CCDC124: variants seen among roughly 807,000 people sequenced by gnomAD.
CCDC124 encodes the protein coiled-coil domain containing 124.
Under a neutral mutation model 19.8 loss-of-function variants are expected in CCDC124, and 9 were observed. That is an observed-to-expected ratio of 0.45 (90% CI 0.27 to 0.79). The LOEUF is 0.79. Ranked by LOEUF, CCDC124 falls within the 30% of genes least tolerant of loss-of-function variation. The pLI is 0.14. For synonymous variants in CCDC124, 126 were observed against 131.3 expected, an observed-to-expected ratio of 0.96 and a Z score of 0.27; for missense variants, 285 against 319.0, an observed-to-expected ratio of 0.89 and a Z score of 0.81.
In CCDC124 at chr19:17,943,421, T is replaced by C. The variant is rs772981762; in HGVS notation, c.464+46T>C. On this transcript the variant is annotated intron_variant, in intron 4 of 4. Coordinates refer to ENST00000445755, the MANE Select transcript of CCDC124 (RefSeq NM_001136203.2). Reference sequence around the variant, plus strand: ...GCTTTCCCAGGGGTGGAGCTGGTCATCGGGGGCGGGGCTACCTGGGGGCGG... The same window carrying C: ...GCTTTCCCAGGGGTGGAGCTGGTCACCGGGGGCGGGGCTACCTGGGGGCGG... 1.4e-4 allele frequency: 131 copies of C among 925,778 alleles called. No individual in the cohort carries two copies. The East Asian group carries it at 4.6e-3, about 32-fold the overall frequency. 57.3% of individuals were successfully genotyped at this position (925,778 alleles called of 1,614,324 possible).
Position 17,939,264 on chromosome 19 carries a change from G to A in CCDC124, c.159+2685G>A, listed in dbSNP as rs374890452. Among the ~76,000 whole-genome samples the A allele has an allele frequency of 2.4e-4, 37 of 152,118 alleles. No individual in the cohort carries two copies. In the East Asian group the frequency reaches 5.1e-3, roughly 21 times the overall value. ...AAAAAAATTAGCTGGGCGTGGTGGC[G>A]CGCACCTGTAGTCCCAGCAACTCAG... On this transcript the variant is annotated intron_variant, in intron 2 of 4. Coordinates refer to ENST00000445755, the MANE Select transcript of CCDC124 (RefSeq NM_001136203.2).
At position 17,936,576 on chromosome 19, in the gene CCDC124, C is replaced by CTCCG. The variant is rs745945279; in HGVS notation, c.156_157insTCCG (p.Lys53SerfsTer16). 1.2e-6 allele frequency: 2 copies of CTCCG among 1,612,278 alleles called. No individual in the cohort carries two copies. Among genetic ancestry groups the CTCCG allele is most frequent in the Admixed American group, 3.4e-5 (2 of 59,696 alleles). ...AACACGTCATGAGGAAGGAGCAGCG[C>CTCCG]AAGGTGCGTGCACTCCGAGTCCCCG... is the stretch of plus-strand genomic sequence containing the variant. On this transcript the variant is annotated frameshift_variant, in exon 2 of 5. Transcript: ENST00000445755. LOFTEE classifies it high-confidence loss of function.
rs548056297 is a variant in CCDC124 at position 17,942,495 on chromosome 19, C to T, written c.160-161C>T. Among the ~76,000 whole-genome samples, 1 of 152,180 alleles carries T rather than the reference C, an allele frequency of 6.6e-6. No homozygotes were observed. The highest frequency in any genetic ancestry group is 2.4e-5 in the African/African-American group (1 of 41,438). On this transcript the variant is annotated intron_variant, in intron 2 of 4. Transcript: ENST00000445755. This position sits in a 1 kb window ranked among gnomAD's most constrained non-coding sequence, Gnocchi z 4.2. Reference sequence around the variant, plus strand: ...GTTCCCCTGTTGGCCTCACATCCCCCGCCCAGGGCAGCACCGGGACCTATC... The same window carrying T: ...GTTCCCCTGTTGGCCTCACATCCCCTGCCCAGGGCAGCACCGGGACCTATC...
chr19:17,938,725 G>C (rs901822396), intron 2 of CCDC124, among the ~76,000 whole-genome samples: 1 of 152,096 alleles, frequency 6.6e-6, no homozygotes, highest in African/African-American at 2.4e-5. Context: ...CCAAGTAGCT[G>C]GGACTATAGG....
chr19:17,936,428 A>C lies in CCDC124; in HGVS notation c.8A>C (p.Lys3Thr). ...CCCGCAGCCTGCTGAGGGATGCCCAAGAAGTTCCAGGGTGAGAACACCAAG... is the reference window on the plus strand; with the variant it reads ...CCCGCAGCCTGCTGAGGGATGCCCACGAAGTTCCAGGGTGAGAACACCAAG... Reference protein sequence around the residue: MPKKFQGENTKSA... With the variant: MPTKFQGENTKSA... Residue 3 changes from lysine to threonine, a missense_variant, in exon 2 of 5, where the codon AAG (lysine) becomes ACG (threonine). By Grantham distance (78) the Lys-to-Thr change is moderately conservative. Transcript: ENST00000445755. 1 of 1,611,692 alleles carries C rather than the reference A, an allele frequency of 6.2e-7. No homozygotes were observed. Among genetic ancestry groups the C allele is most frequent in the Non-Finnish European group, 8.5e-7 (1 of 1,178,420 alleles).
At position 17,934,906 on chromosome 19, in the gene CCDC124, TTGTTTCC is replaced by T. The variant is rs869054599; in HGVS notation, c.-11-1502_-11-1496del. Among the ~76,000 whole-genome samples, 442 of 147,366 alleles carry T rather than the reference TTGTTTCC, an allele frequency of 3.0e-3. 2 individuals carry two copies. The highest frequency in any genetic ancestry group is 9.2e-3 in the East Asian group (47 of 5,088). On this transcript the variant is annotated intron_variant, in intron 1 of 4. Transcript: ENST00000445755. ...ATGTATGTATTGGTGCCTTGTTTCC[TTGTTTCC>T]TTTTTTTTTTTTTCTTTTAAGAGAC...
At chr19:17,935,951 C>T (rs2031052125) in intron 1 of CCDC124, among the ~76,000 whole-genome samples, 1 of 152,140 alleles carries the variant, frequency 6.6e-6, no homozygotes, top group African/African-American at 2.4e-5. Context: ...GTCGCCCAGG[C>T]TGGAGTGCAG....
At chr19:17,934,323 T>C (rs1599959599) in intron 1 of CCDC124, among the ~76,000 whole-genome samples, 1 of 148,140 alleles carries the variant, frequency 6.8e-6, no homozygotes, top group Non-Finnish European at 1.5e-5. Context: ...TGGGTGGAGG[T>C]TGCAGTGAGC....
chr19:17,943,465 A>T, intron 4 of CCDC124, 43 bp from the exon 5 acceptor site: 1 of 1,593,842 alleles, frequency 6.3e-7, no homozygotes, highest in Non-Finnish European at 8.5e-7. Flanking sequence ...TTTTCGGGGC[A>T]AGGCTGCGCC....
At position 17,933,068 on chromosome 19, in the gene CCDC124, G is replaced by C. The variant is rs770089937; in HGVS notation, c.-12+20G>C. The C allele has an allele frequency of 6.6e-6, 1 of 152,558 alleles. No individual in the cohort carries two copies. Among genetic ancestry groups the C allele is most frequent in the Non-Finnish European group, 1.5e-5 (1 of 68,336 alleles). The allele number at this position is 152,558 out of a possible 1,614,324, so 9.5% of individuals were successfully genotyped here. On this transcript the variant is annotated intron_variant, in intron 1 of 4. Transcript: ENST00000445755. ...AAGAAGGTAGGAGCGTCTGCGGCGC[G>C]GGCGGAACCCGGGTTCGGGGAGCAG...
chr19:17,941,026 G>A (rs915466315), intron 2 of CCDC124, among the ~76,000 whole-genome samples: 19 of 151,996 alleles, frequency 1.3e-4, no homozygotes, highest in African/African-American at 3.4e-4. Context: ...CATCCTGGGC[G>A]ACAGAGCAAG....
At chr19:17,936,314 C>A (rs934742493) in intron 1 of CCDC124, 96 bp from the exon 2 acceptor site, 2 of 1,060,716 alleles carry the variant, frequency 1.9e-6, no homozygotes, top group Non-Finnish European at 2.7e-6. Flanking sequence ...ACAGAGGCCC[C>A]AAGAGGGTCA....
At chr19:17,937,598 A>C (rs1207739109) in intron 2 of CCDC124, among the ~76,000 whole-genome samples, 2 of 152,090 alleles carry the variant, frequency 1.3e-5, no homozygotes, top group Non-Finnish European at 1.5e-5. Flanking sequence ...ACACTCTAGA[A>C]TGCACAGGAC....
chr19:17,941,994 C>T (rs1216610607), intron 2 of CCDC124, among the ~76,000 whole-genome samples: 1 of 152,104 alleles, frequency 6.6e-6, no homozygotes, highest in Non-Finnish European at 1.5e-5. Flanking sequence ...GCTTGCTCGG[C>T]CCCCTGGGGT....
At chr19:17,941,340 G>A (rs546526479) in intron 2 of CCDC124, among the ~76,000 whole-genome samples, 8 of 151,656 alleles carry the variant, frequency 5.3e-5, no homozygotes, top group East Asian at 2.0e-4. Flanking sequence ...GTGAAACCCC[G>A]TCTCTACTAA....
In CCDC124 at chr19:17,942,157, C is replaced by T. The variant is rs1248269866; in HGVS notation, c.160-499C>T. Among the ~76,000 whole-genome samples the T allele has an allele frequency of 6.6e-6, 1 of 152,140 alleles. No homozygotes were observed. Among genetic ancestry groups the T allele is most frequent in the South Asian group, 2.1e-4 (1 of 4,836 alleles). On this transcript the variant is annotated intron_variant, in intron 2 of 4. Transcript: ENST00000445755. The surrounding 1 kb of genome is among the most constrained non-coding windows in gnomAD (Gnocchi z 4.2). ...GACAGTGCTGCCCGACTCATAAGGG[C>T]AGAGCCCCTGCCCTAGCCTGAAACG...
chr19:17,942,654 A>G lies in CCDC124; in HGVS notation c.160-2A>G. ...GCCTGACCATGCACGCCGCCCCCGC[A>G]GGAGGAGAAGGAGAAGCGGCGCCTC... On this transcript the variant is annotated splice_acceptor_variant, in intron 2 of 4. Coordinates refer to ENST00000445755, the MANE Select transcript of CCDC124 (RefSeq NM_001136203.2). LOFTEE classifies it high-confidence loss of function. This position sits in a 1 kb window ranked among gnomAD's most constrained non-coding sequence, Gnocchi z 4.2. 6.4e-7 allele frequency: 1 copy of G among 1,554,222 alleles called. No homozygotes were observed. The highest frequency in any genetic ancestry group is 2.4e-5 in the East Asian group (1 of 42,052).
At position 17,943,254 on chromosome 19, in the gene CCDC124, C is replaced by A. The variant is rs779122056; in HGVS notation, c.350-7C>A. On this transcript the variant is annotated splice_region_variant and splice_polypyrimidine_tract_variant and intron_variant, in intron 3 of 4. Transcript: ENST00000445755. The stretch of plus-strand genomic sequence containing the variant: ...TCTCTGTCTCTGTCACCCACCCACC[C>A]GCCCAGCCGAGAAAGCCAAGAGCCA... 25 of 1,417,574 alleles carry A rather than the reference C, an allele frequency of 1.8e-5. No individual in the cohort carries two copies. The highest frequency in any genetic ancestry group is 2.4e-4 in the Middle Eastern group (1 of 4,128). 87.8% of individuals were successfully genotyped at this position (1,417,574 alleles called of 1,614,324 possible). A position where few individuals can be genotyped will look rare whatever the true frequency, so the allele number is the denominator to read the frequency against.
chr19:17,938,030 G>A (rs1482688831), intron 2 of CCDC124, among the ~76,000 whole-genome samples: 1 of 152,142 alleles, frequency 6.6e-6, no homozygotes, highest in Non-Finnish European at 1.5e-5. Flanking sequence ...AATGTGCCCG[G>A]CCCAGGTGTT....
Sources: allele counts gnomAD v4.1 joint callset (sites outside exome capture counted in the v4.1 genomes callset), GRCh38; gene constraint gnomAD v4.1.1; non-coding constraint Gnocchi (gnomAD v3.1); transcripts MANE v1.5; gene names NCBI Gene and HGNC (gene_info 2026-07-23, HGNC 2026-07-21).